BRD7: variants seen among roughly 807,000 people sequenced by gnomAD.
BRD7 encodes bromodomain containing 7.
A neutral mutation model predicts 82.1 loss-of-function variants in BRD7; 15 were observed. The ratio of observed to expected loss-of-function variants is 0.18; its 90% CI spans 0.12 to 0.28. BRD7 has a LOEUF of 0.28. Among genes scored for constraint, BRD7 ranks in the 10% least tolerant of loss-of-function variants. The probability of loss-of-function intolerance (pLI) is 1.00; values close to 1 mark genes in which losing one functional copy is unlikely to be tolerated. For synonymous variants in BRD7, 232 were observed against 266.9 expected (o/e 0.87, Z 1.27); for missense variants, 638 against 779.9 (o/e 0.82, Z 2.17).
intron 5 of BRD7, among the ~76,000 whole-genome samples, chr16:50,345,857 C>T (rs1001733551): frequency 4.0e-5 from 6 of 151,704 alleles, no homozygotes; most frequent in African/African-American, 7.3e-5. Flanking sequence ...TTAGACAGAT[C>T]GACGAGACAG....
chr16:50,335,818 T>C (rs1449119073), intron 6 of BRD7, among the ~76,000 whole-genome samples: 3 of 152,226 alleles, frequency 2.0e-5, no homozygotes, highest in Admixed American at 6.5e-5. Flanking sequence ...CCTTTCCTCA[T>C]CACACCATGC....
intron 2 of BRD7, among the ~76,000 whole-genome samples, chr16:50,355,333 C>T (rs930499297): frequency 3.9e-5 from 6 of 152,042 alleles, no homozygotes; most frequent in African/African-American, 9.7e-5. Flanking sequence ...TAATGCCAAT[C>T]GAAATTTAAA....
chr16:50,326,425 C>CT, intron 9 of BRD7, 34 bp from the exon 10 acceptor site: 1 of 1,455,718 alleles, frequency 6.9e-7, no homozygotes, highest in Non-Finnish European at 9.2e-7. Flanking sequence ...TGAAGGAGGC[C>CT]TACATGGCCA....
chr16:50,368,396 CGAG>C, intron 1 of BRD7, 98 bp from the exon 2 acceptor site: 1 of 1,336,072 alleles, frequency 7.5e-7, no homozygotes, highest in Non-Finnish European at 1.0e-6. Flanking sequence ...GCAGCAAGCC[CGAG>C]GCGGCTTTGG....
At position 50,368,307 on chromosome 16, in the gene BRD7, A is replaced by C. The variant is rs761847427; in HGVS notation, c.50-9T>G. The C allele has an allele frequency of 1.9e-6, 3 of 1,597,552 alleles. No individual in the cohort carries two copies. In the South Asian group the frequency reaches 3.3e-5, roughly 18 times the overall value. ...GGGCTTCTCTACATACTCTTAAAAA[A>C]AGAAAAGAAAAGAAAGGAAAGCGCG... On this transcript the variant is annotated splice_polypyrimidine_tract_variant and intron_variant, in intron 1 of 16. Transcript: ENST00000394688.
At chr16:50,358,495 C>A (rs868603826) in intron 2 of BRD7, among the ~76,000 whole-genome samples, 395 of 121,748 alleles carry the variant, frequency 3.2e-3, no homozygotes, top group East Asian at 5.2e-3. Flanking sequence ...GATCCTGTCT[C>A]AAAAAAAAAA....
chr16:50,319,012 C>T lies in BRD7; in HGVS notation c.*199G>A. The stretch of plus-strand genomic sequence containing the variant: ...AATGCTGCACAGGTATGGCAACAGC[C>T]CCAAGCACATTCCTTCCTCACGAGT... On this transcript the variant is annotated 3_prime_UTR_variant, in exon 17 of 17. Transcript: ENST00000394688. 1 of 572,434 alleles carries T rather than the reference C, an allele frequency of 1.7e-6. No individual in the cohort carries two copies. The highest frequency in any genetic ancestry group is 2.4e-5 in the South Asian group (1 of 41,860). The allele number at this position is 572,434 out of a possible 1,614,324, so 35.5% of individuals were successfully genotyped here. A position where few individuals can be genotyped will look rare whatever the true frequency, so the allele number is the denominator to read the frequency against.
chr16:50,319,769 G>A, intron 16 of BRD7, 118 bp downstream of exon 16: 1 of 1,293,984 alleles, frequency 7.7e-7, no homozygotes, highest in East Asian at 2.3e-5. Flanking sequence ...TACAGATTTT[G>A]CTATCTTTGT....
Position 50,368,734 on chromosome 16 carries a change from A to C in BRD7, c.41T>G (p.Leu14Arg), listed in dbSNP as rs369016433. The change falls in exon 1 of 17, where the codon CTC becomes CGC. Residue 14 changes from leucine to arginine, a missense_variant. Physicochemically the swap from Leu to Arg is moderately radical, Grantham distance 102. This residue lies in a region of BRD7 where 172 missense variants were observed against 155.3 expected (regional missense o/e 1.11). Coordinates refer to ENST00000394688, the MANE Select transcript of BRD7 (RefSeq NM_013263.5). The stretch of plus-strand genomic sequence containing the variant: ...CCCGGCCCCCTCCTCACCCTCGTAG[A>C]GGTGTTTGTCCGACTTGTGCTTCTT... ...KHKKHKSDKH[L>R]YEEYVEKPLK... The C allele has an allele frequency of 1.1e-5, 17 of 1,553,766 alleles. No homozygotes were observed. Among genetic ancestry groups the C allele is most frequent in the Non-Finnish European group, 1.5e-5 (17 of 1,151,576 alleles).
intron 6 of BRD7, among the ~76,000 whole-genome samples, chr16:50,338,612 C>A (rs1204294480): frequency 6.6e-6 from 1 of 152,204 alleles, no homozygotes; most frequent in Non-Finnish European, 1.5e-5. Context: ...GTGTCTTATA[C>A]CCACTCATTT....
chr16:50,318,848 T>A lies in BRD7; in HGVS notation c.*363A>T, dbSNP rs2036941715. 1 of 174,902 alleles carries A rather than the reference T, an allele frequency of 5.7e-6. No homozygotes were observed. The highest frequency in any genetic ancestry group is 1.5e-4 in the South Asian group (1 of 6,572). The allele number at this position is 174,902 out of a possible 1,614,324, so 10.8% of individuals were successfully genotyped here. A position where few individuals can be genotyped will look rare whatever the true frequency, so the allele number is the denominator to read the frequency against. ...TGGGTATGCAGGGGCAGAACCACAG[T>A]AGTAAATTCTAAAATTATTTCAAGT... is the stretch of plus-strand genomic sequence containing the variant. On this transcript the variant is annotated 3_prime_UTR_variant, in exon 17 of 17. Coordinates refer to ENST00000394688, the MANE Select transcript of BRD7 (RefSeq NM_013263.5).
chr16:50,318,267 C>A lies in BRD7; in HGVS notation c.*944G>T, dbSNP rs2036908057. 1 of 151,966 alleles carries A rather than the reference C, an allele frequency of 6.6e-6. No homozygotes were observed. The allele number at this position is 151,966 out of a possible 1,614,324, so 9.4% of individuals were successfully genotyped here. On this transcript the variant is annotated 3_prime_UTR_variant, in exon 17 of 17. Coordinates refer to ENST00000394688, the MANE Select transcript of BRD7 (RefSeq NM_013263.5). ...TTTGAGGGAATTAATTTTCCTTTAC[C>A]CTATTTGTTCTTCCTAAATACTAAT... is the stretch of plus-strand genomic sequence containing the variant.
chr16:50,356,517 GA>G (rs2038738505), intron 2 of BRD7, among the ~76,000 whole-genome samples: 1 of 152,124 alleles, frequency 6.6e-6, no homozygotes, highest in Non-Finnish European at 1.5e-5. Flanking sequence ...AAAAGTTGCA[GA>G]ACAATTACTG....
intron 6 of BRD7, among the ~76,000 whole-genome samples, chr16:50,335,540 G>A (rs2037761454): frequency 6.6e-6 from 1 of 152,172 alleles, no homozygotes; most frequent in African/African-American, 2.4e-5. Context: ...AGGGCTTGAG[G>A]TTTCTCCGTA....
chr16:50,366,864 G>A (rs1157293154), intron 2 of BRD7, among the ~76,000 whole-genome samples: 1 of 152,130 alleles, frequency 6.6e-6, no homozygotes, highest in Non-Finnish European at 1.5e-5. Flanking sequence ...GAAGGATTGG[G>A]GTGAGGAAAA....
intron 2 of BRD7, among the ~76,000 whole-genome samples, chr16:50,366,160 G>A (rs868131665): frequency 6.6e-6 from 1 of 152,210 alleles, no homozygotes; most frequent in Non-Finnish European, 1.5e-5. Flanking sequence ...CAACCTGTAT[G>A]AGGGCAGAAT....
chr16:50,337,183 T>G (rs1350672224), intron 6 of BRD7, among the ~76,000 whole-genome samples: 1 of 152,196 alleles, frequency 6.6e-6, no homozygotes, highest in African/African-American at 2.4e-5. Flanking sequence ...CTACTTTGTT[T>G]GTACTACAAT....
At chr16:50,351,788 A>C (rs2038534976) in intron 4 of BRD7, among the ~76,000 whole-genome samples, 1 of 152,172 alleles carries the variant, frequency 6.6e-6, no homozygotes, top group African/African-American at 2.4e-5. Context: ...GTTTCGACAC[A>C]TATATACTAA....
chr16:50,343,566 T>G (rs1597066533), intron 5 of BRD7, among the ~76,000 whole-genome samples: 1 of 152,184 alleles, frequency 6.6e-6, no homozygotes, highest in Non-Finnish European at 1.5e-5. Flanking sequence ...CAAGGGAAGC[T>G]GTGACAGACT....
Sources: gnomAD v4.1 joint callset for allele counts (sites outside exome capture counted in the v4.1 genomes callset) on GRCh38, gnomAD v4.1.1 for gene constraint, gnomAD v4.1.1 regional missense constraint, MANE v1.5 for transcripts, NCBI Gene and HGNC (gene_info 2026-07-23, HGNC 2026-07-21) for gene names.